The following GNL3L variants were observed in gnomAD, a reference collection of about 807,000 sequenced individuals.
The protein encoded by GNL3L is guanine nucleotide-binding protein-like 3-like protein.
In GNL3L, 4 loss-of-function variants were observed where a neutral mutation model predicts 42.9. The observed-to-expected ratio is 0.09, with a 90% CI of 0.05 to 0.21. The LOEUF (loss-of-function observed/expected upper bound fraction) is 0.21. Ranked by LOEUF, GNL3L falls within the 10% of genes least tolerant of loss-of-function variation. GNL3L has a pLI of 1.00. For synonymous variants in GNL3L, 159 were observed against 176.3 expected, an observed-to-expected ratio of 0.90 and a Z score of 0.78; for missense variants, 412 against 481.7, an observed-to-expected ratio of 0.86 and a Z score of 1.36.
intron 16 of GNL3L, among the ~76,000 whole-genome samples, chrX:54,592,147 T>C (rs895217980): frequency 7.1e-5 from 8 of 112,307 alleles, no homozygotes; most frequent in Non-Finnish European, 1.3e-4. Context: ...CTACTGATTT[T>C]TGTATGTTGA....
intron 16 of GNL3L, among the ~76,000 whole-genome samples, chrX:54,572,686 AC>A (rs1173177564): frequency 8.3e-5 from 8 of 96,953 alleles, no homozygotes; most frequent in African/African-American, 1.6e-4. Flanking sequence ...CGGGGGGCTG[AC>A]CCCCCCCACC....
rs948581638 is a variant in GNL3L at position 54,539,052 on chromosome X, C to G, written c.32C>G (p.Pro11Arg). 8.8e-7 allele frequency: 1 copy of G among 1,140,862 alleles called. No individual in the cohort carries two copies. The highest frequency in any genetic ancestry group is 1.2e-6 in the Non-Finnish European group (1 of 840,864). 94.0% of individuals were successfully genotyped at this position (1,140,862 alleles called of 1,213,427 possible). Residue 11 changes from proline (P) to arginine (R), a missense_variant, in exon 3 of 16, where the codon CCA becomes CGA. Coordinates refer to ENST00000360845, the MANE Select transcript of GNL3L (RefSeq NM_001184819.2). ...TTTTCTTTTGTAGAAAATAAAAAGC[C>G]AGGTGAAGGTTCCAAGGGCCACAAG... is the stretch of plus-strand genomic sequence containing the variant. MMKLRHKNKKPGEGSKGHKKI... is the reference protein window; with the variant it reads MMKLRHKNKKRGEGSKGHKKI...
chrX:54,554,842 T>G, intron 14 of GNL3L, 150 bp downstream of exon 14: 1 of 473,304 alleles, frequency 2.1e-6, no homozygotes, highest in Non-Finnish European at 3.6e-6. Context: ...GTATATCCTT[T>G]ACCAAGCAAT....
intron 16 of GNL3L, among the ~76,000 whole-genome samples, chrX:54,606,995 C>CCTTTCCTTTT: frequency 3.6e-5 from 1 of 28,024 alleles, no homozygotes; most frequent in East Asian, 9.9e-4. Flanking sequence ...CCTTTCCTTT[C>CCTTTCCTTTT]CTTTCTTTCT....
chrX:54,563,819 T>G lies in GNL3L; in HGVS notation c.*3217T>G, dbSNP rs1009833422. ...AAAAAGAGGAAAACAAAAAAGACGTTGGGAGTGCAGTTTCTCTACCTACAG... is the reference window on the plus strand; with the variant it reads ...AAAAAGAGGAAAACAAAAAAGACGTGGGGAGTGCAGTTTCTCTACCTACAG... On this transcript the variant is annotated 3_prime_UTR_variant, in exon 16 of 16. Coordinates refer to ENST00000360845, the MANE Select transcript of GNL3L (RefSeq NM_001184819.2). Among the ~76,000 whole-genome samples the G allele has an allele frequency of 9.9e-5, 11 of 111,081 alleles. No individual in the cohort carries two copies. Among genetic ancestry groups the G allele is most frequent in the Non-Finnish European group, 2.1e-4 (11 of 53,005 alleles).
At chrX:54,574,677 A>C in intron 16 of GNL3L, among the ~76,000 whole-genome samples, 1 of 112,009 alleles carries the variant, frequency 8.9e-6, no homozygotes, top group Middle Eastern at 4.2e-3. Flanking sequence ...TATTTTTTGG[A>C]AGAATTTGTG....
intron 16 of GNL3L, among the ~76,000 whole-genome samples, chrX:54,597,900 C>A (rs891874183): frequency 9.0e-6 from 1 of 111,306 alleles, no homozygotes; most frequent in Non-Finnish European, 1.9e-5. Flanking sequence ...GCTTTCTACA[C>A]CCCGCTGCCA....
intron 2 of GNL3L, among the ~76,000 whole-genome samples, chrX:54,534,071 G>C (rs1342220211): frequency 9.3e-6 from 1 of 107,723 alleles, no homozygotes; most frequent in Non-Finnish European, 1.9e-5. Flanking sequence ...ATAGAGATGA[G>C]GGTCTTTCTA....
At chrX:54,580,334 T>G (rs1925697429) in intron 16 of GNL3L, among the ~76,000 whole-genome samples, 1 of 109,776 alleles carries the variant, frequency 9.1e-6, no homozygotes, top group African/African-American at 3.3e-5. Context: ...GAACTCATCA[T>G]TTTTTATGGC....
chrX:54,593,170 AT>A (rs761799878), intron 16 of GNL3L, among the ~76,000 whole-genome samples: 132 of 111,574 alleles, frequency 1.2e-3, no homozygotes, highest in African/African-American at 4.1e-3. Context: ...CTCCTCCTCT[AT>A]TTTTTGGAAT....
intron 16 of GNL3L, among the ~76,000 whole-genome samples, chrX:54,595,753 A>T (rs188586041): frequency 0.015 from 1,690 of 110,688 alleles, 24 homozygotes; most frequent in African/African-American, 0.053. Flanking sequence ...TCCTCTGTGT[A>T]TTTTCAAATA....
chrX:54,551,737 G>C lies in GNL3L; in HGVS notation c.1033G>C (p.Glu345Gln). The C allele has an allele frequency of 8.3e-7, 1 of 1,210,761 alleles. No homozygotes were observed. Residue 345 changes from glutamate to glutamine, a missense_variant, in exon 11 of 16, where the codon GAG (glutamate) becomes CAG (glutamine). Glu to Gln is a conservative substitution (Grantham distance 29). Transcript: ENST00000360845. ...GACCATCCTGCAGCGCTGCAACCTG[G>C]AGGAGGTCCGCAGCAGAGCCCTGGC... ...VETILQRCNL[E>Q]EISNYYGVSG...
At chrX:54,609,352 A>G (rs969259453) in intron 16 of GNL3L, among the ~76,000 whole-genome samples, 7 of 112,453 alleles carry the variant, frequency 6.2e-5, no homozygotes, top group African/African-American at 2.3e-4. Flanking sequence ...CTTTAGTTTA[A>G]TTAGGTCCCA....
rs1925450693 is a variant in GNL3L, at chrX:54,567,048, T to G, written c.*6446T>G. On this transcript the variant is annotated 3_prime_UTR_variant, in exon 16 of 16. Transcript: ENST00000360845. The stretch of plus-strand genomic sequence containing the variant: ...TCTCCCATGTTTCCTCCTAAAAGTT[T>G]TATAGTTTTAGGTTTTACATTTAGG... Among the ~76,000 whole-genome samples, 1 of 112,287 alleles carries G rather than the reference T, an allele frequency of 8.9e-6. No individual in the cohort carries two copies. Among genetic ancestry groups the G allele is most frequent in the African/African-American group, 3.2e-5 (1 of 30,938 alleles).
At chrX:54,542,908 C>T (rs1404250619) in intron 5 of GNL3L, 47 bp from the exon 6 acceptor site, 1 of 812,776 alleles carries the variant, frequency 1.2e-6, no homozygotes, top group Admixed American at 2.3e-5. Context: ...CTTTCTCGCT[C>T]TCTCCCCCTC....
chrX:54,633,632 A>C, the GNL3L span, among the ~76,000 whole-genome samples: 6 of 110,348 alleles, frequency 5.4e-5, no homozygotes, highest in African/African-American at 2.0e-4. Context: ...GTTATGTTCC[A>C]AGGGGGGATT....
intron 16 of GNL3L, among the ~76,000 whole-genome samples, chrX:54,605,425 G>A (rs945912230): frequency 2.7e-5 from 3 of 111,074 alleles, no homozygotes; most frequent in Non-Finnish European, 3.8e-5. Flanking sequence ...GCCTAGATCC[G>A]AATTTCACTC....
chrX:54,621,054 G>A, exon 17 of GNL3L, among the ~76,000 whole-genome samples: 1 of 112,285 alleles, frequency 8.9e-6, no homozygotes, highest in Non-Finnish European at 1.9e-5. Flanking sequence ...ATAAATGGCT[G>A]CAGCAATCTC....
intron 16 of GNL3L, among the ~76,000 whole-genome samples, chrX:54,608,431 G>C (rs964263930): frequency 9.0e-6 from 1 of 110,983 alleles, no homozygotes; most frequent in Non-Finnish European, 1.9e-5. Context: ...GTGGTGATTT[G>C]TGAGATTCTG....
Sources: allele counts gnomAD v4.1 joint callset (sites outside exome capture counted in the v4.1 genomes callset), GRCh38; gene constraint gnomAD v4.1.1; transcripts MANE v1.5; gene names NCBI Gene and HGNC (gene_info 2026-07-23, HGNC 2026-07-21).